Variants in SPEF2 observed in about 807,000 individuals in gnomAD.
The protein encoded by SPEF2 is sperm flagellar and cilia associated 2, also known as sperm flagella and cilia-associated protein 2.
SPEF2 carries 187 observed loss-of-function variants against 224.6 expected under a neutral mutation model. The ratio of observed to expected loss-of-function variants is 0.83; its 90% CI spans 0.74 to 0.94. The LOEUF (loss-of-function observed/expected upper bound fraction) is 0.94, where lower values mean the gene tolerates loss of function less well. SPEF2 is among the 40% of genes least tolerant of loss of function. SPEF2 has a pLI of 0.00. For synonymous variants in SPEF2, 715 were observed against 707.3 expected (o/e 1.01, Z -0.17); for missense variants, 2,170 against 2,135.6 (o/e 1.02, Z -0.32).
In SPEF2 at chr5:35,649,391, G is replaced by A. The variant is rs765617828; in HGVS notation, c.757G>A (p.Ala253Thr). ...DVADEIKKFEALIKKDLQAKE... is the reference protein window; with the variant it reads ...DVADEIKKFETLIKKDLQAKE... ...GGCTGATGAAATTAAGAAGTTCGAA[G>A]CATTAATAAAAAAGGATCTCCAAGC... Residue 253 changes from alanine (A) to threonine (T), a missense_variant, in exon 6 of 37, where the codon GCA (alanine) becomes ACA (threonine). Physicochemically the swap from Ala to Thr is moderately conservative, Grantham distance 58. Coordinates refer to ENST00000356031, the MANE Select transcript of SPEF2 (RefSeq NM_024867.4). The A allele has an allele frequency of 6.2e-7, 1 of 1,612,094 alleles. No homozygotes were observed. Among genetic ancestry groups the A allele is most frequent in the South Asian group, 1.1e-5 (1 of 90,648 alleles).
At chr5:35,752,507 G>C (rs554721232) in intron 23 of SPEF2, among the ~76,000 whole-genome samples, 2 of 152,018 alleles carry the variant, frequency 1.3e-5, no homozygotes, top group Admixed American at 6.5e-5. Flanking sequence ...ATGTTGACCA[G>C]GCTGGTCTTG....
chr5:35,779,432 G>T, intron 30 of SPEF2, 86 bp downstream of exon 30: 1 of 978,552 alleles, frequency 1.0e-6, no homozygotes, highest in Non-Finnish European at 1.5e-6. Flanking sequence ...AGTAAAATCA[G>T]CTCTATGGGA....
intron 20 of SPEF2, among the ~76,000 whole-genome samples, chr5:35,716,506 G>A (rs1742613219): frequency 6.6e-6 from 1 of 151,858 alleles, no homozygotes; most frequent in Non-Finnish European, 1.5e-5. Flanking sequence ...AAAAGCATAC[G>A]GACTCCAAAC....
intron 10 of SPEF2, among the ~76,000 whole-genome samples, chr5:35,689,811 C>A (rs1754185776): frequency 6.6e-6 from 1 of 152,074 alleles, no homozygotes; most frequent in South Asian, 2.1e-4. Flanking sequence ...CTATGATGAA[C>A]AGAGGGTACA....
At chr5:35,644,805 G>A (rs958207505) in intron 4 of SPEF2, among the ~76,000 whole-genome samples, 3 of 152,138 alleles carry the variant, frequency 2.0e-5, no homozygotes, top group African/African-American at 7.2e-5. Flanking sequence ...AGAAATCAAT[G>A]TTTCAGCTGC....
At chr5:35,771,482 C>T (rs932393184) in intron 26 of SPEF2, 127 bp from the exon 27 acceptor site, 7 of 1,221,408 alleles carry the variant, frequency 5.7e-6, no homozygotes, top group East Asian at 2.6e-5. Flanking sequence ...TTGTAAAGTT[C>T]GAGTACGTGG....
intron 16 of SPEF2, among the ~76,000 whole-genome samples, chr5:35,701,452 A>G (rs1738621941): frequency 6.6e-6 from 1 of 152,132 alleles, no homozygotes; most frequent in African/African-American, 2.4e-5. Context: ...CATGCTTAGG[A>G]CAGAATCTGG....
At chr5:35,810,047 A>G (rs1580815445) in intron 36 of SPEF2, among the ~76,000 whole-genome samples, 1 of 152,204 alleles carries the variant, frequency 6.6e-6, no homozygotes, top group Non-Finnish European at 1.5e-5. Context: ...ACTTGAAAAT[A>G]TCTTCACTCT....
chr5:35,806,971 A>G lies in SPEF2; in HGVS notation c.5256+19A>G. 6.3e-7 allele frequency: 1 copy of G among 1,582,434 alleles called. No homozygotes were observed. Among genetic ancestry groups the G allele is most frequent in the South Asian group, 1.2e-5 (1 of 84,862 alleles). On this transcript the variant is annotated intron_variant, in intron 35 of 36. Transcript: ENST00000356031. ...TGCAGAGGTTGGTTAAATTATTTTG[A>G]AAAAAGTTGGCCTCAATTCTGAGCA...
At chr5:35,653,144 GC>G (rs1012652634) in intron 6 of SPEF2, among the ~76,000 whole-genome samples, 1 of 152,098 alleles carries the variant, frequency 6.6e-6, no homozygotes, top group African/African-American at 2.4e-5. Flanking sequence ...TCTGTACCAA[GC>G]CCCCATTTGA....
At position 35,654,528 on chromosome 5, in the gene SPEF2, T is replaced by G. The variant is rs759849620; in HGVS notation, c.792-12T>G. 1.3e-6 allele frequency: 2 copies of G among 1,547,928 alleles called. No homozygotes were observed. Among genetic ancestry groups the G allele is most frequent in the South Asian group, 2.6e-5 (2 of 78,056 alleles). ...TTATTTAAAAATCTAAAATAAAAACTATTATTCTTAGTGCATCCAAGACTT... is the reference window on the plus strand; with the variant it reads ...TTATTTAAAAATCTAAAATAAAAACGATTATTCTTAGTGCATCCAAGACTT... On this transcript the variant is annotated splice_polypyrimidine_tract_variant and intron_variant, in intron 6 of 36. Transcript: ENST00000356031.
At chr5:35,788,862 A>T (rs1561366782) in intron 30 of SPEF2, 2 of 702,824 alleles carry the variant, frequency 2.8e-6, no homozygotes, top group African/African-American at 1.7e-5. Context: ...TATCACTTTT[A>T]TCACAATTCT....
chr5:35,731,520 T>TA (rs974770502), intron 21 of SPEF2, among the ~76,000 whole-genome samples: 1 of 140,640 alleles, frequency 7.1e-6, no homozygotes, highest in African/African-American at 2.6e-5. Flanking sequence ...TTGGATTTTT[T>TA]AGTATTGATA....
intron 21 of SPEF2, among the ~76,000 whole-genome samples, chr5:35,732,808 C>T (rs1334007969): frequency 6.6e-6 from 1 of 152,068 alleles, no homozygotes; most frequent in Non-Finnish European, 1.5e-5. Context: ...TTTATGATTT[C>T]AATTACCCAC....
chr5:35,685,485 A>G (rs559050107), intron 10 of SPEF2, among the ~76,000 whole-genome samples: 40 of 152,282 alleles, frequency 2.6e-4, no homozygotes, highest in African/African-American at 9.4e-4. Flanking sequence ...TATATATGAC[A>G]TAGCGTAATT....
intron 26 of SPEF2, among the ~76,000 whole-genome samples, chr5:35,769,761 A>G (rs1752536322): frequency 6.6e-6 from 1 of 152,110 alleles, no homozygotes; most frequent in South Asian, 2.1e-4. Context: ...AGAAGGCGGG[A>G]ACTGGCTGGT....
At chr5:35,694,731 G>C (rs57159443) in intron 13 of SPEF2, among the ~76,000 whole-genome samples, 1 of 152,104 alleles carries the variant, frequency 6.6e-6, no homozygotes, top group Non-Finnish European at 1.5e-5. Flanking sequence ...GGCTTTCTAC[G>C]TGCTCCTGCT....
chr5:35,705,405 C>A (rs543710929), intron 17 of SPEF2, among the ~76,000 whole-genome samples: 25 of 151,952 alleles, frequency 1.6e-4, no homozygotes, highest in Non-Finnish European at 2.7e-4. Flanking sequence ...GAGACCTGTA[C>A]TCCTACTAAA....
chr5:35,769,400 A>G (rs773888946), intron 26 of SPEF2, among the ~76,000 whole-genome samples: 69 of 152,238 alleles, frequency 4.5e-4, no homozygotes, highest in Non-Finnish European at 6.2e-4. Flanking sequence ...GAAAAGAAAA[A>G]GCAAAGGGAG....
Sources: allele counts gnomAD v4.1 joint callset (sites outside exome capture counted in the v4.1 genomes callset), GRCh38; gene constraint gnomAD v4.1.1; transcripts MANE v1.5; gene names NCBI Gene and HGNC (gene_info 2026-07-23, HGNC 2026-07-21).